The following GALNT13 variants were observed in gnomAD, a reference collection of about 807,000 sequenced individuals.
GALNT13 encodes the protein UDP-GalNAc:polypeptide N-acetylgalactosaminyltransferase 13.
GALNT13 carries 28 observed loss-of-function variants against 64.2 expected under a neutral mutation model. The observed-to-expected ratio is 0.44, with a 90% CI of 0.32 to 0.60. GALNT13 has a LOEUF of 0.60. GALNT13 is among the 20% of genes least tolerant of loss of function. The pLI is 0.05. For synonymous variants in GALNT13, 214 were observed against 224.6 expected (o/e 0.95, Z 0.42); for missense variants, 577 against 669.8 (o/e 0.86, Z 1.53).
the GALNT13 span, among the ~76,000 whole-genome samples, chr2:153,089,634 A>G: frequency 2.0e-5 from 3 of 151,896 alleles, no homozygotes; most frequent in African/African-American, 7.2e-5. Flanking sequence ...GGTATTTAAC[A>G]TAATCTCAAA....
chr2:154,378,694 C>A (rs1419540314), intron 9 of GALNT13, among the ~76,000 whole-genome samples: 4 of 151,984 alleles, frequency 2.6e-5, no homozygotes. Flanking sequence ...CTCTTCGGCT[C>A]TGCTTCTATT....
At chr2:153,596,216 T>C in the GALNT13 span, among the ~76,000 whole-genome samples, 1 of 152,122 alleles carries the variant, frequency 6.6e-6, no homozygotes, top group African/African-American at 2.4e-5. Context: ...ATCACAGAGG[T>C]AGAAGCTGCT....
At chr2:154,193,749 G>A (rs1686725575) in intron 4 of GALNT13, among the ~76,000 whole-genome samples, 1 of 152,164 alleles carries the variant, frequency 6.6e-6, no homozygotes, top group African/African-American at 2.4e-5. Context: ...TAGGTAATAC[G>A]TGTGAGCAAG....
the GALNT13 span, among the ~76,000 whole-genome samples, chr2:153,187,028 G>T: frequency 6.6e-6 from 1 of 152,110 alleles, no homozygotes; most frequent in African/African-American, 2.4e-5. Flanking sequence ...ATTGCCATAA[G>T]AATTAGTAGA....
the GALNT13 span, among the ~76,000 whole-genome samples, chr2:153,712,741 G>A: frequency 5.9e-5 from 9 of 152,148 alleles, no homozygotes; most frequent in African/African-American, 1.9e-4. Context: ...TAACAGAGAC[G>A]TCTTTCAAGC....
At chr2:153,853,853 G>GA in the GALNT13 span, among the ~76,000 whole-genome samples, 1 of 151,572 alleles carries the variant, frequency 6.6e-6, no homozygotes. Context: ...GGTTTCCTAG[G>GA]AATGTAAATA....
chr2:153,186,572 AT>A, the GALNT13 span, among the ~76,000 whole-genome samples: 1,245 of 143,508 alleles, frequency 8.7e-3, 7 homozygotes, highest in African/African-American at 0.023. Flanking sequence ...TTCAGTGAGT[AT>A]TTTTTTTTTT....
chr2:153,601,593 A>T, the GALNT13 span, among the ~76,000 whole-genome samples: 2 of 151,476 alleles, frequency 1.3e-5, no homozygotes, highest in Non-Finnish European at 3.0e-5. Flanking sequence ...AACTCTTTTC[A>T]TTTCCACATG....
the GALNT13 span, among the ~76,000 whole-genome samples, chr2:153,312,487 A>G: frequency 6.6e-6 from 1 of 152,180 alleles, no homozygotes; most frequent in East Asian, 1.9e-4. Context: ...AAAACATTTC[A>G]GAGGCTGATG....
At chr2:154,387,753 T>C (rs1698583997) in intron 9 of GALNT13, among the ~76,000 whole-genome samples, 1 of 152,156 alleles carries the variant, frequency 6.6e-6, no homozygotes, top group Admixed American at 6.5e-5. Context: ...ATGATGGGAT[T>C]TTCTTCCTTT....
the GALNT13 span, among the ~76,000 whole-genome samples, chr2:153,464,723 TTATGTTTAAGGGTGA>T: frequency 6.6e-6 from 1 of 152,072 alleles, no homozygotes; most frequent in Admixed American, 6.6e-5. Context: ...TGATAATAAG[TTATGTTTAAGGGTGA>T]TATCACCTAG....
chr2:153,698,741 A>T, the GALNT13 span, among the ~76,000 whole-genome samples: 2 of 152,228 alleles, frequency 1.3e-5, no homozygotes, highest in Non-Finnish European at 2.9e-5. Context: ...AGTGGACTTA[A>T]CAGACATCTA....
intron 2 of GALNT13, among the ~76,000 whole-genome samples, chr2:153,916,879 A>G (rs989207178): frequency 6.6e-6 from 1 of 152,212 alleles, no homozygotes; most frequent in Non-Finnish European, 1.5e-5. Flanking sequence ...TATAATTTCT[A>G]TACTTTGAAT....
chr2:153,492,217 G>A, the GALNT13 span, among the ~76,000 whole-genome samples: 27 of 152,102 alleles, frequency 1.8e-4, no homozygotes, highest in Admixed American at 8.5e-4. Context: ...TGAAGACAGC[G>A]TCTAAAACAA....
At chr2:154,098,061 G>C (rs1702158479) in intron 3 of GALNT13, among the ~76,000 whole-genome samples, 1 of 151,212 alleles carries the variant, frequency 6.6e-6, no homozygotes, top group Non-Finnish European at 1.5e-5. Context: ...TGGTGCTCTA[G>C]GGCTCAGTGT....
the GALNT13 span, among the ~76,000 whole-genome samples, chr2:153,649,037 A>G: frequency 1.3e-5 from 2 of 152,174 alleles, no homozygotes; most frequent in East Asian, 1.9e-4. Context: ...TTCAGAAAGA[A>G]TGGTACCAGG....
At chr2:154,161,795 T>TC (rs1491270953) in intron 4 of GALNT13, among the ~76,000 whole-genome samples, 1 of 150,404 alleles carries the variant, frequency 6.6e-6, no homozygotes, top group Non-Finnish European at 1.5e-5. Flanking sequence ...TTTTTTTTTT[T>TC]GTTTTCAGAC....
intron 2 of GALNT13, among the ~76,000 whole-genome samples, chr2:153,933,930 T>C (rs1363868508): frequency 6.6e-6 from 1 of 152,172 alleles, no homozygotes; most frequent in East Asian, 1.9e-4. Flanking sequence ...CCACAGTCTC[T>C]TTTGGCTTAT....
the GALNT13 span, among the ~76,000 whole-genome samples, chr2:153,781,738 T>C: frequency 1.3e-4 from 20 of 152,238 alleles, no homozygotes; most frequent in East Asian, 3.9e-4. Flanking sequence ...ACATTTTCTG[T>C]TGTTCCACAA....
Sources: allele counts gnomAD v4.1 joint callset (sites outside exome capture counted in the v4.1 genomes callset), GRCh38; gene constraint gnomAD v4.1.1; transcripts MANE v1.5; gene names NCBI Gene and HGNC (gene_info 2026-07-23, HGNC 2026-07-21).